The following BTD variants were observed in gnomAD, a reference collection of about 807,000 sequenced individuals.
The protein encoded by BTD is biotinidase, also known as biocytinase.
BTD carries 13 observed loss-of-function variants against 17.7 expected under a neutral mutation model. That is an observed-to-expected ratio of 0.74 (90% CI 0.48 to 1.17). The LOEUF (loss-of-function observed/expected upper bound fraction) is 1.17, where lower values mean the gene tolerates loss of function less well. Ranked by LOEUF, BTD falls within the 50% of genes most tolerant of loss-of-function variation. The pLI is 0.00. For synonymous variants in BTD, 240 were observed against 245.2 expected, an observed-to-expected ratio of 0.98 and a Z score of 0.20; for missense variants, 674 against 650.4, an observed-to-expected ratio of 1.04 and a Z score of -0.39.
intron 3 of BTD, among the ~76,000 whole-genome samples, chr3:15,671,141 C>A (rs1016796879): frequency 6.6e-6 from 1 of 152,168 alleles, no homozygotes; most frequent in Non-Finnish European, 1.5e-5. Context: ...AAACAGTAGA[C>A]AAACTAAGCA....
intron 1 of BTD, among the ~76,000 whole-genome samples, chr3:15,622,867 T>C (rs1427535303): frequency 6.6e-6 from 1 of 152,252 alleles, no homozygotes; most frequent in East Asian, 1.9e-4. Flanking sequence ...ATGTAGCTAT[T>C]CTTGCTTTCT....
chr3:15,699,323 T>C (rs556565335), intron 3 of BTD, among the ~76,000 whole-genome samples: 22 of 152,304 alleles, frequency 1.4e-4, no homozygotes, highest in South Asian at 2.1e-4. Context: ...ATTCAGGGCA[T>C]AGGCATGGGC....
rs2065760851 is a variant in BTD, at chr3:15,649,284, A to C, written c.*3796A>C. On this transcript the variant is annotated 3_prime_UTR_variant, in exon 4 of 4. Coordinates refer to ENST00000643237, the MANE Select transcript of BTD (RefSeq NM_001370658.1). ...GGCTTCCCCTGAAGCAAATGATCCA[A>C]GAGAGCACAGGTGGAGCCATGATGT... is the stretch of plus-strand genomic sequence containing the variant. Among the ~76,000 whole-genome samples the C allele has an allele frequency of 6.6e-6, 1 of 152,228 alleles. No individual in the cohort carries two copies. Among genetic ancestry groups the C allele is most frequent in the Non-Finnish European group, 1.5e-5 (1 of 68,036 alleles).
chr3:15,693,285 T>C (rs2125857318), intron 3 of BTD, among the ~76,000 whole-genome samples: 1 of 152,078 alleles, frequency 6.6e-6, no homozygotes, highest in East Asian at 1.9e-4. Flanking sequence ...TACCACCATA[T>C]ACACATACAA....
chr3:15,612,426 T>A (rs2064663566), intron 1 of BTD, among the ~76,000 whole-genome samples: 2 of 152,214 alleles, frequency 1.3e-5, no homozygotes, highest in South Asian at 4.1e-4. Flanking sequence ...GGAAGGATTC[T>A]ATAGGCTTTT....
chr3:15,691,799 T>G (rs1000917671), intron 3 of BTD, among the ~76,000 whole-genome samples: 1 of 152,182 alleles, frequency 6.6e-6, no homozygotes, highest in African/African-American at 2.4e-5. Context: ...GAATGAACTC[T>G]GAGGAATCAT....
rs2065679409 is a variant in BTD at position 15,645,741 on chromosome 3, C to T, written c.*253C>T. 3 of 483,370 alleles carry T rather than the reference C, an allele frequency of 6.2e-6. No homozygotes were observed. The highest frequency in any genetic ancestry group is 5.8e-5 in the African/African-American group (3 of 51,646). The allele number at this position is 483,370 out of a possible 1,614,324, so 29.9% of individuals were successfully genotyped here. ...ATTTATCTTTTTCAAGCCACATCTT[C>T]CTCTAACAAATCTCTCAGTATGCGA... On this transcript the variant is annotated 3_prime_UTR_variant, in exon 4 of 4. Transcript: ENST00000643237.
At chr3:15,670,132 G>T in intron 3 of BTD, 2 of 933,954 alleles carry the variant, frequency 2.1e-6, no homozygotes, top group Non-Finnish European at 3.1e-6. Flanking sequence ...TCCTCCTAAT[G>T]CCATCAGATC....
At chr3:15,668,484 G>A (rs1471350527) in intron 3 of BTD, 1 of 151,922 alleles carries the variant, frequency 6.6e-6, no homozygotes, top group Non-Finnish European at 1.5e-5. Context: ...GAAAAGATGG[G>A]GGATTAGATT....
In BTD at chr3:15,604,811, C is replaced by T. The variant is rs1574967958; in HGVS notation, c.-17+2917C>T. Among the ~76,000 whole-genome samples the T allele has an allele frequency of 2.6e-5, 4 of 152,342 alleles. No individual in the cohort carries two copies. In the South Asian group the frequency reaches 8.3e-4, roughly 32 times the overall value. On this transcript the variant is annotated intron_variant, in intron 1 of 3. Coordinates refer to ENST00000643237, the MANE Select transcript of BTD (RefSeq NM_001370658.1). ...CTTTGCATAGCAAGAGTGACCTTTA[C>T]TCCAACTCTGAATAAGTTCCTCATC... is the stretch of plus-strand genomic sequence containing the variant.
chr3:15,682,474 C>CTGGG (rs906096636), intron 3 of BTD, among the ~76,000 whole-genome samples: 2 of 152,250 alleles, frequency 1.3e-5, no homozygotes, highest in African/African-American at 4.8e-5. Flanking sequence ...GGATGGTAAA[C>CTGGG]TGGGTCCTCC....
chr3:15,662,173 A>T (rs2065931500), intron 3 of BTD, among the ~76,000 whole-genome samples: 2 of 152,342 alleles, frequency 1.3e-5, no homozygotes, highest in Admixed American at 6.5e-5. Context: ...ACTTGCTGGG[A>T]TTTTAATTGA....
At chr3:15,696,721 G>C (rs2069631104) in intron 3 of BTD, among the ~76,000 whole-genome samples, 1 of 152,066 alleles carries the variant, frequency 6.6e-6, no homozygotes, top group Admixed American at 6.5e-5. Context: ...AGAACTCAAT[G>C]AATCTGAATT....
In BTD at chr3:15,642,018, G is replaced by A. The variant is rs1306944669; in HGVS notation, c.360G>A (p.Trp120Ter). 1.9e-6 allele frequency: 3 copies of A among 1,614,050 alleles called. No homozygotes were observed. The East Asian group carries it at 6.7e-5, about 36-fold the overall frequency. ...TGCCGTCTCCCCAGGTGGTCAGGTGGAACCCATGCCTGGAGCCTCACCGCT... is the reference window on the plus strand; with the variant it reads ...TGCCGTCTCCCCAGGTGGTCAGGTGAAACCCATGCCTGGAGCCTCACCGCT... ...DFMPSPQVVR[W>*]NPCLEPHRFN... Residue 120 changes from tryptophan to a stop codon, truncating the protein, a stop_gained, in exon 3 of 4, where the codon TGG becomes TGA. Coordinates refer to ENST00000643237, the MANE Select transcript of BTD (RefSeq NM_001370658.1). LOFTEE classifies it low-confidence loss of function (END_TRUNC).
At chr3:15,629,153 G>T (rs1177839161) in intron 1 of BTD, among the ~76,000 whole-genome samples, 1 of 152,180 alleles carries the variant, frequency 6.6e-6, no homozygotes, top group Non-Finnish European at 1.5e-5. Context: ...AGGCACCTGA[G>T]AAATGAAGAT....
intron 3 of BTD, chr3:15,690,169 C>T (rs756084884): frequency 6.2e-7 from 1 of 1,608,500 alleles, no homozygotes; most frequent in Non-Finnish European, 8.5e-7. Context: ...ACATCAAGAT[C>T]TAACAAAGAC....
chr3:15,633,993 A>G (rs2065280036), intron 1 of BTD, among the ~76,000 whole-genome samples: 1 of 152,238 alleles, frequency 6.6e-6, no homozygotes, highest in African/African-American at 2.4e-5. Context: ...GAATGGCAAC[A>G]AATCCTGGGG....
At position 15,644,328 on chromosome 3, in the gene BTD, C is replaced by G; in HGVS notation, c.412C>G (p.Leu138Val). The stretch of plus-strand genomic sequence containing the variant: ...TTTTTTCCTCTAGGTGCTCCAGCGC[C>G]TGAGTTGTATGGCCATCAGGGGAGA... ...RFNDTEVLQRLSCMAIRGDMF... is the reference protein window; with the variant it reads ...RFNDTEVLQRVSCMAIRGDMF... The change falls in exon 4 of 4, where the codon CTG becomes GTG. Residue 138 changes from leucine (L) to valine (V), a missense_variant. By Grantham distance (32) the Leu-to-Val change is conservative. Coordinates refer to ENST00000643237, the MANE Select transcript of BTD (RefSeq NM_001370658.1). 6.2e-7 allele frequency: 1 copy of G among 1,613,872 alleles called. No homozygotes were observed. Among genetic ancestry groups the G allele is most frequent in the Non-Finnish European group, 8.5e-7 (1 of 1,179,954 alleles).
chr3:15,606,021 T>TTTA (rs2064439514), intron 1 of BTD, among the ~76,000 whole-genome samples: 1 of 130,056 alleles, frequency 7.7e-6, no homozygotes, highest in Non-Finnish European at 1.5e-5. Flanking sequence ...CTAGCCTGGG[T>TTTA]GACAGAGCGA....
Sources: allele counts gnomAD v4.1 joint callset (sites outside exome capture counted in the v4.1 genomes callset), GRCh38; gene constraint gnomAD v4.1.1; transcripts MANE v1.5; gene names NCBI Gene and HGNC (gene_info 2026-07-23, HGNC 2026-07-21).